The following MROH1 variants were observed in gnomAD, a reference collection of about 807,000 sequenced individuals.
MROH1 encodes the protein maestro heat like repeat family member 1.
A neutral mutation model predicts 116.5 loss-of-function variants in MROH1; 117 were observed. The ratio of observed to expected loss-of-function variants is 1.00; its 90% CI spans 0.86 to 1.17. The LOEUF (loss-of-function observed/expected upper bound fraction) is 1.17, where lower values mean the gene tolerates loss of function less well. Among genes scored for constraint, MROH1 ranks in the 50% most tolerant of loss-of-function variants. The pLI is 0.00. For missense variants in MROH1, 1,873 were observed against 1,338.5 expected, an observed-to-expected ratio of 1.40 and a Z score of -6.23; for synonymous variants, 921 against 583.9, an observed-to-expected ratio of 1.58 and a Z score of -8.32.
intron 12 of MROH1, among the ~76,000 whole-genome samples, chr8:144,202,182 G>A (rs1264864337): frequency 2.6e-5 from 4 of 152,078 alleles, no homozygotes; most frequent in Non-Finnish European, 4.4e-5. Flanking sequence ...TGCTTTGGGC[G>A]TGCCCAGATT....
intron 12 of MROH1, among the ~76,000 whole-genome samples, chr8:144,202,415 C>T (rs1348039474): frequency 1.4e-5 from 2 of 142,628 alleles, no homozygotes; most frequent in Non-Finnish European, 3.1e-5. Flanking sequence ...GGAGCACCAG[C>T]TCTGTGTGGA....
intron 35 of MROH1, among the ~76,000 whole-genome samples, chr8:144,257,754 C>T (rs984781203): frequency 9.2e-5 from 14 of 152,370 alleles, no homozygotes; most frequent in Non-Finnish European, 1.6e-4. Flanking sequence ...AGGGCAGTGG[C>T]ACTGTCACCA....
chr8:144,163,782 A>T lies in MROH1; in HGVS notation c.-45A>T, dbSNP rs765573882. The stretch of plus-strand genomic sequence containing the variant: ...TTTGGTTATTCCAGATGGGAGAAGA[A>T]GTTGTCCATGTTCACACTGGGTGAA... On this transcript the variant is annotated 5_prime_UTR_variant, in exon 3 of 44. The change creates a new upstream start codon in the 5' untranslated region. Transcript: ENST00000326134. The surrounding 1 kb of genome is among the most constrained non-coding windows in gnomAD (Gnocchi z 4.4). The T allele has an allele frequency of 5.6e-6, 9 of 1,610,284 alleles. No homozygotes were observed. In the South Asian group the frequency reaches 6.6e-5, roughly 12 times the overall value.
intron 14 of MROH1, among the ~76,000 whole-genome samples, chr8:144,236,896 CTTTT>C (rs1164804321): frequency 5.8e-5 from 4 of 69,312 alleles, no homozygotes; most frequent in African/African-American, 1.2e-4. Flanking sequence ...TCTCCTATTC[CTTTT>C]TTTTTTTTTT....
rs1472891801 is a variant in MROH1, at chr8:144,156,514, C to T, written c.-176-4456C>T. 5.9e-5 allele frequency among the ~76,000 whole-genome samples: 9 copies of T among 151,952 alleles called. No homozygotes were observed. In the South Asian group the frequency reaches 1.7e-3, roughly 28 times the overall value. On this transcript the variant is annotated intron_variant, in intron 1 of 43. Coordinates refer to ENST00000326134, the MANE Select transcript of MROH1 (RefSeq NM_032450.3). ...CTGAGCTCAGGGGTTTGAGACCAGC[C>T]TGGCCAACATGGTGAAACACCATCT...
chr8:144,257,182 G>A (rs1844028804), intron 35 of MROH1, among the ~76,000 whole-genome samples: 1 of 152,232 alleles, frequency 6.6e-6, no homozygotes, highest in South Asian at 2.1e-4. Context: ...TGGCACCCAG[G>A]CTACCTGGGC....
At chr8:144,150,585 T>G (rs1186631101) in intron 1 of MROH1, among the ~76,000 whole-genome samples, 18 of 152,212 alleles carry the variant, frequency 1.2e-4, no homozygotes, top group Non-Finnish European at 1.0e-4. Context: ...TGTGCTGGCC[T>G]CACTGCAAGC....
In MROH1 at chr8:144,255,537, C is replaced by T. The variant is rs1843583145; in HGVS notation, c.3623C>T (p.Ser1208Phe). 2 of 779,256 alleles carry T rather than the reference C, an allele frequency of 2.6e-6. No homozygotes were observed. Among genetic ancestry groups the T allele is most frequent in the East Asian group, 2.4e-5 (1 of 41,248 alleles). 48.3% of individuals were successfully genotyped at this position (779,256 alleles called of 1,614,324 possible). Residue 1208 changes from serine to phenylalanine, a missense_variant, in exon 35 of 44, where the codon TCC (serine) becomes TTC (phenylalanine). By Grantham distance (155) the Ser-to-Phe change is radical. Transcript: ENST00000326134. ...ACCTGTGCACTGTTTGAGGTCATGTCCACGCCTGCAGCGGGGCCCGCGGTG... is the reference window on the plus strand; with the variant it reads ...ACCTGTGCACTGTTTGAGGTCATGTTCACGCCTGCAGCGGGGCCCGCGGTG... ...SATCALFEVMSTPAAGPAVLE... is the reference protein window; with the variant it reads ...SATCALFEVMFTPAAGPAVLE...
intron 20 of MROH1, 116 bp downstream of exon 20, chr8:144,240,793 C>T: frequency 1.5e-6 from 1 of 686,238 alleles, no homozygotes; most frequent in Non-Finnish European, 2.7e-6. Context: ...CTGGCAGAGC[C>T]TCCTTGTGGT....
At chr8:144,260,399 G>C (rs1844800033) in intron 39 of MROH1, 25 bp downstream of exon 39, 1 of 706,292 alleles carries the variant, frequency 1.4e-6, no homozygotes, top group Non-Finnish European at 2.6e-6. Flanking sequence ...GCAGGGGGAG[G>C]GAAGAGGGCC....
At chr8:144,217,590 GGTT>G (rs1410047316) in intron 12 of MROH1, among the ~76,000 whole-genome samples, 5 of 152,228 alleles carry the variant, frequency 3.3e-5, no homozygotes, top group African/African-American at 9.6e-5. Context: ...CCTTATTGTT[GGTT>G]GTTGTTGTTT....
At chr8:144,181,354 T>C (rs1190413827) in intron 7 of MROH1, among the ~76,000 whole-genome samples, 1 of 137,972 alleles carries the variant, frequency 7.2e-6, no homozygotes, top group East Asian at 2.0e-4. Flanking sequence ...GGGCAGGGCA[T>C]GTTTTCGAAG....
At position 144,238,754 on chromosome 8, in the gene MROH1, A is replaced by G; in HGVS notation, c.1339-2A>G. ...ACGCCTTTGCCTTTTGCCTTCCTCC[A>G]GCCTGAGAAGCCAGGCCCCGGCAGC... On this transcript the variant is annotated splice_acceptor_variant, in intron 14 of 43. Transcript: ENST00000326134. LOFTEE classifies it high-confidence loss of function. 1 of 771,614 alleles carries G rather than the reference A, an allele frequency of 1.3e-6. No individual in the cohort carries two copies. Among genetic ancestry groups the G allele is most frequent in the African/African-American group, 1.7e-5 (1 of 59,186 alleles). The allele number at this position is 771,614 out of a possible 1,614,324, so 47.8% of individuals were successfully genotyped here. A position where few individuals can be genotyped will look rare whatever the true frequency, so the allele number is the denominator to read the frequency against.
At chr8:144,244,390 C>A (rs1289650082) in intron 27 of MROH1, 54 bp downstream of exon 27, 4 of 724,654 alleles carry the variant, frequency 5.5e-6, no homozygotes, top group Non-Finnish European at 1.0e-5. Context: ...GGTGGGAGGC[C>A]ACTGTAGGCT....
intron 7 of MROH1, among the ~76,000 whole-genome samples, chr8:144,188,187 G>A (rs955334980): frequency 6.6e-6 from 1 of 152,206 alleles, no homozygotes; most frequent in Non-Finnish European, 1.5e-5. Flanking sequence ...AAAGGAATTT[G>A]TTCATCAGAA....
In MROH1 at chr8:144,151,254, A is replaced by C. The variant is rs1257576739; in HGVS notation, c.-177+3178A>C. On this transcript the variant is annotated intron_variant, in intron 1 of 43. Coordinates refer to ENST00000326134, the MANE Select transcript of MROH1 (RefSeq NM_032450.3). ...CAGAGCAATATTCTGTCTCAAAAAAAAAAAAAAAAAAAAAAAAAAACCTCC... is the reference window on the plus strand; with the variant it reads ...CAGAGCAATATTCTGTCTCAAAAAACAAAAAAAAAAAAAAAAAAAACCTCC... Among the ~76,000 whole-genome samples the C allele has an allele frequency of 6.5e-4, 97 of 150,092 alleles. 1 individual carries two copies. The highest frequency in any genetic ancestry group is 1.2e-3 in the Admixed American group (18 of 15,118).
intron 10 of MROH1, chr8:144,192,626 G>A: frequency 1.4e-6 from 1 of 689,956 alleles, no homozygotes; most frequent in Non-Finnish European, 2.6e-6. Context: ...CCCCAGGATG[G>A]AGGTGGCAGG....
chr8:144,247,409 C>A lies in MROH1; in HGVS notation c.2980C>A (p.Leu994Met). The A allele has an allele frequency of 1.3e-6, 1 of 771,412 alleles. No homozygotes were observed. The highest frequency in any genetic ancestry group is 2.5e-5 in the East Asian group (1 of 40,740). 47.8% of individuals were successfully genotyped at this position (771,412 alleles called of 1,614,324 possible). The change falls in exon 30 of 44, where the codon CTG becomes ATG. Residue 994 changes from leucine to methionine, a missense_variant. Transcript: ENST00000326134. ...GGAGGCCGTGGACTGTGTCTACTCC[C>A]TGCTGTACCTCCAGCTCGGCTATGA... ...RQEAVDCVYSLLYLQLGYEGF... is the reference protein window; with the variant it reads ...RQEAVDCVYSMLYLQLGYEGF...
rs1052271823 is a variant in MROH1, at chr8:144,191,633, G to A, written c.715-82G>A. The A allele has an allele frequency of 4.2e-5, 65 of 1,542,422 alleles. No individual in the cohort carries two copies. In the East Asian group the frequency reaches 5.8e-4, roughly 14 times the overall value. On this transcript the variant is annotated intron_variant, in intron 8 of 43. Coordinates refer to ENST00000326134, the MANE Select transcript of MROH1 (RefSeq NM_032450.3). ...GGTAGCCCAGTGTTCGTTCACGTCC[G>A]TCACGGGTGCTTGCTGGACATGCTC... is the stretch of plus-strand genomic sequence containing the variant.
Sources: allele counts gnomAD v4.1 joint callset (sites outside exome capture counted in the v4.1 genomes callset), GRCh38; gene constraint gnomAD v4.1.1; non-coding constraint Gnocchi (gnomAD v3.1); transcripts MANE v1.5; gene names NCBI Gene and HGNC (gene_info 2026-07-23, HGNC 2026-07-21).